SGMS1: variants seen among roughly 807,000 people sequenced by gnomAD.
SGMS1 encodes the protein phosphatidylcholine:ceramide cholinephosphotransferase 1.
Under a neutral mutation model 46.2 loss-of-function variants are expected in SGMS1, and 13 were observed. That is an observed-to-expected ratio of 0.28 (90% CI 0.18 to 0.45). The LOEUF is 0.45. Ranked by LOEUF, SGMS1 falls within the 20% of genes least tolerant of loss-of-function variation. The probability of loss-of-function intolerance (pLI) is 1.00; values close to 1 mark genes in which losing one functional copy is unlikely to be tolerated. For synonymous variants in SGMS1, 203 were observed against 187.8 expected (o/e 1.08, Z -0.66); for missense variants, 324 against 519.9 (o/e 0.62, Z 3.66).
At chr10:50,530,038 A>G (rs1837939350) in intron 2 of SGMS1, among the ~76,000 whole-genome samples, 1 of 152,202 alleles carries the variant, frequency 6.6e-6, no homozygotes, top group African/African-American at 2.4e-5. Flanking sequence ...AAATACTCCT[A>G]AATAGCCACC....
At chr10:50,560,858 T>C (rs1395073878) in intron 2 of SGMS1, among the ~76,000 whole-genome samples, 1 of 152,162 alleles carries the variant, frequency 6.6e-6, no homozygotes, top group East Asian at 1.9e-4. Context: ...GAAAGAACAT[T>C]TGCATCCAGT....
intron 6 of SGMS1, among the ~76,000 whole-genome samples, chr10:50,400,892 C>A (rs552736578): frequency 6.6e-6 from 1 of 152,152 alleles, no homozygotes; most frequent in Non-Finnish European, 1.5e-5. Flanking sequence ...ACATCAAGGC[C>A]GGAGGGTTCC....
At chr10:50,476,902 G>T (rs958094059) in intron 3 of SGMS1, among the ~76,000 whole-genome samples, 3 of 152,246 alleles carry the variant, frequency 2.0e-5, no homozygotes, top group Non-Finnish European at 2.9e-5. Context: ...GAAACATCTG[G>T]ATGTCCAGAC....
chr10:50,451,149 T>A (rs971417835), intron 5 of SGMS1, among the ~76,000 whole-genome samples: 16 of 152,158 alleles, frequency 1.1e-4, no homozygotes, highest in Non-Finnish European at 1.9e-4. Context: ...TTACACATTT[T>A]AAAAAATTAA....
At chr10:50,413,329 T>G (rs748418155) in intron 6 of SGMS1, among the ~76,000 whole-genome samples, 5 of 152,162 alleles carry the variant, frequency 3.3e-5, no homozygotes, top group Non-Finnish European at 5.9e-5. Context: ...ACAAAGCAAA[T>G]ATTTCACCGT....
chr10:50,462,886 CTG>C (rs1392917632), intron 4 of SGMS1, among the ~76,000 whole-genome samples: 2 of 151,990 alleles, frequency 1.3e-5, no homozygotes, highest in Admixed American at 6.5e-5. Context: ...AGCCAGCTGA[CTG>C]TGACAGAAAT....
At chr10:50,378,821 T>C (rs949775886) in intron 6 of SGMS1, among the ~76,000 whole-genome samples, 7 of 152,158 alleles carry the variant, frequency 4.6e-5, no homozygotes, top group African/African-American at 1.4e-4. Flanking sequence ...TTAAGGAATA[T>C]CAAAACAGTG....
At chr10:50,618,718 T>C (rs981285052) in intron 1 of SGMS1, among the ~76,000 whole-genome samples, 3 of 152,184 alleles carry the variant, frequency 2.0e-5, no homozygotes, top group Admixed American at 1.3e-4. Flanking sequence ...GAGAGTAATT[T>C]AGCAGTGTTT....
At position 50,307,107 on chromosome 10, in the gene SGMS1, C is replaced by G. The variant is rs374967846; in HGVS notation, c.*35G>C. 2 of 1,597,776 alleles carry G rather than the reference C, an allele frequency of 1.3e-6. No individual in the cohort carries two copies. The highest frequency in any genetic ancestry group is 1.1e-5 in the South Asian group (1 of 88,804). On this transcript the variant is annotated 3_prime_UTR_variant, in exon 11 of 11. Transcript: ENST00000361781. The surrounding 1 kb of genome is among the most constrained non-coding windows in gnomAD (Gnocchi z 4.2). Reference sequence around the variant, plus strand: ...TTCTCTCATGGAGTTCTTAGCACTTCGGACAATTTGTCTTTTCCCCACTTT... The same window carrying G: ...TTCTCTCATGGAGTTCTTAGCACTTGGGACAATTTGTCTTTTCCCCACTTT...
chr10:50,502,508 G>T (rs748093280), intron 3 of SGMS1, among the ~76,000 whole-genome samples: 3 of 152,024 alleles, frequency 2.0e-5, no homozygotes, highest in Non-Finnish European at 4.4e-5. Flanking sequence ...TCTCTATCTG[G>T]AAAGTTTAGT....
chr10:50,571,870 G>A (rs1295385187), intron 2 of SGMS1, among the ~76,000 whole-genome samples: 2 of 152,088 alleles, frequency 1.3e-5, no homozygotes, highest in African/African-American at 4.8e-5. Flanking sequence ...TAGGAGTTTA[G>A]AAGGTTAAGT....
At chr10:50,616,234 C>A (rs1257449148) in intron 1 of SGMS1, among the ~76,000 whole-genome samples, 1 of 151,838 alleles carries the variant, frequency 6.6e-6, no homozygotes. Context: ...CCCACATCAG[C>A]CCCCCCGCCC....
At chr10:50,378,053 G>A (rs969962013) in intron 6 of SGMS1, among the ~76,000 whole-genome samples, 2 of 152,186 alleles carry the variant, frequency 1.3e-5, no homozygotes, top group African/African-American at 2.4e-5. Flanking sequence ...CCAAATGCCA[G>A]CTCTTGAAAT....
rs376314335 is a variant in SGMS1, at chr10:50,570,619, C to A, written c.-589+19534G>T. ...GTCCTAATAACATAGTATTGAGGGC[C>A]TTTTGATTCTCTGCTATTTAAAAAA... On this transcript the variant is annotated intron_variant, in intron 2 of 10. Transcript: ENST00000361781. Among the ~76,000 whole-genome samples, 32 of 152,220 alleles carry A rather than the reference C, an allele frequency of 2.1e-4. No homozygotes were observed. In the South Asian group the frequency reaches 6.6e-3, roughly 32 times the overall value.
intron 6 of SGMS1, among the ~76,000 whole-genome samples, chr10:50,394,161 T>A (rs1370332513): frequency 6.6e-6 from 1 of 152,222 alleles, no homozygotes; most frequent in East Asian, 1.9e-4. Flanking sequence ...ATCTTACAGA[T>A]AATGTGACTC....
chr10:50,614,476 C>T (rs777813612), intron 1 of SGMS1, among the ~76,000 whole-genome samples: 4 of 152,368 alleles, frequency 2.6e-5, no homozygotes, highest in African/African-American at 9.6e-5. Context: ...GACATGGGCA[C>T]TGCTGATGGC....
At chr10:50,482,135 G>A (rs1240219654) in intron 3 of SGMS1, among the ~76,000 whole-genome samples, 1 of 152,192 alleles carries the variant, frequency 6.6e-6, no homozygotes, top group Non-Finnish European at 1.5e-5. Flanking sequence ...AACCTAGCAA[G>A]ACAGGCCAAC....
Position 50,343,827 on chromosome 10 carries a change from G to C in SGMS1, c.288C>G (p.Gly96=), listed in dbSNP as rs1478731651. 6.2e-7 allele frequency: 1 copy of C among 1,614,062 alleles called. No individual in the cohort carries two copies. The highest frequency in any genetic ancestry group is 8.5e-7 in the Non-Finnish European group (1 of 1,180,036). Residue 96 remains glycine (G), a synonymous_variant, in exon 7 of 11, where the codon GGC becomes GGG. Coordinates refer to ENST00000361781, the MANE Select transcript of SGMS1 (RefSeq NM_147156.4). ...TGGGTTTAATCTTGATGCTGAAGCT[G>C]CCGTCGGGGGTGGGGATGTCTACGC... ...NIGVDIPTPD[G]SFSIKIKPNG...
intron 2 of SGMS1, among the ~76,000 whole-genome samples, chr10:50,581,210 C>T (rs539402721): frequency 6.6e-6 from 1 of 152,322 alleles, no homozygotes; most frequent in East Asian, 1.9e-4. Context: ...ACATTCAGTG[C>T]TTTTAAAATC....
Sources: allele counts gnomAD v4.1 joint callset (sites outside exome capture counted in the v4.1 genomes callset), GRCh38; gene constraint gnomAD v4.1.1; non-coding constraint Gnocchi (gnomAD v3.1); transcripts MANE v1.5; gene names NCBI Gene and HGNC (gene_info 2026-07-23, HGNC 2026-07-21).